The following HPS3 variants were observed in gnomAD, a reference collection of about 807,000 sequenced individuals.
HPS3 encodes the protein HPS3 biogenesis of lysosomal organelles complex 2 subunit 1, also known as BLOC-2 complex member HPS3.
A neutral mutation model predicts 110.9 loss-of-function variants in HPS3; 79 were observed. That is an observed-to-expected ratio of 0.71 (90% CI 0.59 to 0.86). The LOEUF is 0.86. Ranked by LOEUF, HPS3 falls within the 40% of genes least tolerant of loss-of-function variation. The pLI, the probability that HPS3 is intolerant of heterozygous loss-of-function variation, is 0.00. For missense variants in HPS3, 1,197 were observed against 1,206.2 expected (o/e 0.99, Z 0.11); for synonymous variants, 428 against 451.0 (o/e 0.95, Z 0.65).
chr3:149,160,399 C>T (rs577417889), intron 11 of HPS3, 120 bp downstream of exon 11: 3 of 731,036 alleles, frequency 4.1e-6, no homozygotes, highest in African/African-American at 3.5e-5. Context: ...GGAAAACAGA[C>T]AATATTAGAA....
At chr3:149,130,091 T>C in intron 1 of HPS3, 151 bp downstream of exon 1, 2 of 716,324 alleles carry the variant, frequency 2.8e-6, no homozygotes, top group Non-Finnish European at 4.6e-6. Context: ...TGGCCGCTGA[T>C]TGCTTGAAGT....
At chr3:149,135,417 G>A (rs1408742528) in intron 1 of HPS3, among the ~76,000 whole-genome samples, 1 of 152,040 alleles carries the variant, frequency 6.6e-6, no homozygotes, top group Non-Finnish European at 1.5e-5. Flanking sequence ...CCCCCATGCT[G>A]TTTCTCATGA....
chr3:149,152,938 A>G (rs1423279433), intron 6 of HPS3, among the ~76,000 whole-genome samples: 1 of 152,214 alleles, frequency 6.6e-6, no homozygotes, highest in African/African-American at 2.4e-5. Context: ...CCGCCATTCC[A>G]GGCACTATTC....
intron 15 of HPS3, 62 bp from the exon 16 acceptor site, chr3:149,167,831 T>G: frequency 1.0e-6 from 1 of 976,048 alleles, no homozygotes; most frequent in Non-Finnish European, 1.7e-6. Flanking sequence ...CTTCTTATTC[T>G]CCTTTGAAAT....
In HPS3 at chr3:149,160,323, C is replaced by T. The variant is rs923023187; in HGVS notation, c.2106+44C>T. The T allele has an allele frequency of 2.4e-6, 3 of 1,255,808 alleles. No homozygotes were observed. In the East Asian group the frequency reaches 7.1e-5, roughly 30 times the overall value. The allele number at this position is 1,255,808 out of a possible 1,614,324, so 77.8% of individuals were successfully genotyped here. A position where few individuals can be genotyped will look rare whatever the true frequency, so the allele number is the denominator to read the frequency against. ...TGCTAACAGAAGGCTGAAATAGGAC[C>T]TGGTAATCCTGAAGTGTTTAGCTGT... On this transcript the variant is annotated intron_variant, in intron 11 of 16. Transcript: ENST00000296051.
At chr3:149,149,769 C>T (rs956401410) in intron 5 of HPS3, among the ~76,000 whole-genome samples, 1 of 152,132 alleles carries the variant, frequency 6.6e-6, no homozygotes, top group South Asian at 2.1e-4. Context: ...CAGAAATATA[C>T]ATCATTGTGT....
Position 149,172,267 on chromosome 3 carries a change from T to C in HPS3, c.*45T>C, listed in dbSNP as rs754740504. The C allele has an allele frequency of 6.3e-7, 1 of 1,580,146 alleles. No homozygotes were observed. The highest frequency in any genetic ancestry group is 8.7e-7 in the Non-Finnish European group (1 of 1,154,840). On this transcript the variant is annotated 3_prime_UTR_variant, in exon 17 of 17. Transcript: ENST00000296051. ...CCATAATGGCATTTGAGACTGAATT[T>C]CTAAAAATTGAATGCCAAAGTACAA...
Position 149,141,309 on chromosome 3 carries a change from A to G in HPS3, c.899A>G (p.Asp300Gly), listed in dbSNP as rs754520795. ...TAAACCCACAGACGTTTTGCTCCTGATATTTCGTCCTATGTCTTGTCTGAT... is the reference window on the plus strand; with the variant it reads ...TAAACCCACAGACGTTTTGCTCCTGGTATTTCGTCCTATGTCTTGTCTGAT... ...QHLLYRRFAP[D>G]ISSYVLSDDI... Residue 300 changes from aspartate to glycine, a missense_variant, in exon 4 of 17, where the codon GAT becomes GGT. Asp to Gly is a moderately conservative substitution (Grantham distance 94). Transcript: ENST00000296051. The G allele has an allele frequency of 6.2e-7, 1 of 1,612,136 alleles. No homozygotes were observed. The highest frequency in any genetic ancestry group is 2.2e-5 in the East Asian group (1 of 44,778).
In HPS3 at chr3:149,162,843, C is replaced by T; in HGVS notation, c.2446C>T (p.Pro816Ser). ...CTGGAGATTGTCTAAGAGGCAGCCT[C>T]CTGACACCACACCATTGCGAACATC... is the stretch of plus-strand genomic sequence containing the variant. ...YIWRLSKRQP[P>S]DTTPLRTSED... The change falls in exon 13 of 17, where the codon CCT becomes TCT. Residue 816 changes from proline (P) to serine (S), a missense_variant. Pro to Ser is a moderately conservative substitution (Grantham distance 74). Transcript: ENST00000296051. 2 of 1,613,992 alleles carry T rather than the reference C, an allele frequency of 1.2e-6. No individual in the cohort carries two copies. Among genetic ancestry groups the T allele is most frequent in the Admixed American group, 1.7e-5 (1 of 59,978 alleles).
chr3:149,160,981 T>G (rs1228009271), intron 11 of HPS3, among the ~76,000 whole-genome samples: 2 of 152,178 alleles, frequency 1.3e-5, no homozygotes, highest in African/African-American at 2.4e-5. Context: ...AGCAGTTAAG[T>G]TGTAGAGCCA....
intron 7 of HPS3, among the ~76,000 whole-genome samples, chr3:149,154,549 G>A (rs1723321253): frequency 6.6e-6 from 1 of 152,128 alleles, no homozygotes; most frequent in African/African-American, 2.4e-5. Context: ...TTTAAATGAT[G>A]TTTTAAAAAT....
Position 149,160,277 on chromosome 3 carries a change from G to T in HPS3, c.2104G>T (p.Glu702Ter). The change falls in exon 11 of 17, where the codon GAG (glutamate) becomes TAG (stop). Residue 702 changes from glutamate (E) to a stop codon, truncating the protein, a stop_gained and splice_region_variant. Coordinates refer to ENST00000296051, the MANE Select transcript of HPS3 (RefSeq NM_032383.5). LOFTEE classifies it high-confidence loss of function. ...MHRNEMKSHS[E>*]MKLVCGFILE... ...CAGAAATGAAATGAAAAGCCATTCA[G>T]AGGTATGGAGCTCTGCCCGGTGCTA... 1 of 1,604,310 alleles carries T rather than the reference G, an allele frequency of 6.2e-7. No homozygotes were observed. The highest frequency in any genetic ancestry group is 1.7e-5 in the Admixed American group (1 of 59,936).
chr3:149,150,225 C>G (rs1427003536), intron 5 of HPS3, among the ~76,000 whole-genome samples: 1 of 152,184 alleles, frequency 6.6e-6, no homozygotes, highest in Non-Finnish European at 1.5e-5. Flanking sequence ...AGACACCCAT[C>G]TGTACCTTGG....
At position 149,145,143 on chromosome 3, in the gene HPS3, G is replaced by A. The variant is rs538011783; in HGVS notation, c.971-211G>A. On this transcript the variant is annotated intron_variant, in intron 4 of 16. Coordinates refer to ENST00000296051, the MANE Select transcript of HPS3 (RefSeq NM_032383.5). ...CCATTGATGATCATTACTTAGATCTGTTAATTTAGTAGGGGTTGTACAATG... is the reference window on the plus strand; with the variant it reads ...CCATTGATGATCATTACTTAGATCTATTAATTTAGTAGGGGTTGTACAATG... Among the ~76,000 whole-genome samples the A allele has an allele frequency of 5.3e-5, 8 of 152,212 alleles. No individual in the cohort carries two copies. In the South Asian group the frequency reaches 1.2e-3, roughly 24 times the overall value.
intron 13 of HPS3, among the ~76,000 whole-genome samples, 194 bp downstream of exon 13, chr3:149,163,072 C>G (rs955965021): frequency 1.3e-5 from 2 of 152,182 alleles, no homozygotes; most frequent in Non-Finnish European, 2.9e-5. Context: ...ATTTTGTACT[C>G]TAAAGAATGT....
Position 149,149,935 on chromosome 3 carries a change from G to A in HPS3, c.1164-664G>A, listed in dbSNP as rs139119584. ...AAGCAGCCTGGAGTTGTGGAAAGAGGTAGAGGAGTGTGAGGGGTCAGGAGA... is the reference window on the plus strand; with the variant it reads ...AAGCAGCCTGGAGTTGTGGAAAGAGATAGAGGAGTGTGAGGGGTCAGGAGA... On this transcript the variant is annotated intron_variant, in intron 5 of 16. Coordinates refer to ENST00000296051, the MANE Select transcript of HPS3 (RefSeq NM_032383.5). Among the ~76,000 whole-genome samples the A allele has an allele frequency of 8.5e-5, 13 of 152,268 alleles. No individual in the cohort carries two copies. In the East Asian group the frequency reaches 2.3e-3, roughly 27 times the overall value.
intron 1 of HPS3, among the ~76,000 whole-genome samples, chr3:149,131,317 G>GT (rs762695920): frequency 1.3e-5 from 2 of 151,692 alleles, no homozygotes; most frequent in African/African-American, 4.9e-5. Flanking sequence ...GATACTGCGT[G>GT]TTTTTTTCTC....
At chr3:149,155,522 G>C (rs1723405370) in intron 8 of HPS3, among the ~76,000 whole-genome samples, 1 of 152,030 alleles carries the variant, frequency 6.6e-6, no homozygotes, top group African/African-American at 2.4e-5. Flanking sequence ...AGATAGCTAA[G>C]AAATGGAGCA....
At chr3:149,144,972 A>G (rs1295740077) in intron 4 of HPS3, among the ~76,000 whole-genome samples, 1 of 152,242 alleles carries the variant, frequency 6.6e-6, no homozygotes, top group African/African-American at 2.4e-5. Context: ...CTAGAAATCT[A>G]GTAATTGCAG....
Sources: gnomAD v4.1 joint callset for allele counts (sites outside exome capture counted in the v4.1 genomes callset) on GRCh38, gnomAD v4.1.1 for gene constraint, MANE v1.5 for transcripts, NCBI Gene and HGNC (gene_info 2026-07-23, HGNC 2026-07-21) for gene names.